The following SEMA6D variants were observed in gnomAD, a reference collection of about 807,000 sequenced individuals.
SEMA6D encodes the protein semaphorin-6D.
Under a neutral mutation model 106.6 loss-of-function variants are expected in SEMA6D, and 35 were observed. That is an observed-to-expected ratio of 0.33 (90% CI 0.25 to 0.44). The LOEUF (loss-of-function observed/expected upper bound fraction) is 0.44, where lower values mean the gene tolerates loss of function less well. Among genes scored for constraint, SEMA6D ranks in the 20% least tolerant of loss-of-function variants. The pLI, the probability that SEMA6D is intolerant of heterozygous loss-of-function variation, is 1.00. For synonymous variants in SEMA6D, 499 were observed against 487.7 expected (o/e 1.02, Z -0.31); for missense variants, 1,185 against 1,345.9 (o/e 0.88, Z 1.87).
intron 1 of SEMA6D, among the ~76,000 whole-genome samples, chr15:47,223,575 G>A (rs868150390): frequency 4.3e-5 from 4 of 93,404 alleles, no homozygotes; most frequent in East Asian, 2.1e-4. Context: ...TCAAGCTTGC[G>A]TGTGTCAGCT....
chr15:47,595,899 T>C (rs1012106461), intron 3 of SEMA6D, among the ~76,000 whole-genome samples: 1 of 152,124 alleles, frequency 6.6e-6, no homozygotes, highest in African/African-American at 2.4e-5. Context: ...ATGCCCACTT[T>C]AACCACTTCT....
rs529907012 is a variant in SEMA6D at position 47,189,210 on chromosome 15, T to C, written c.-239+4792T>C. Among the ~76,000 whole-genome samples the C allele has an allele frequency of 1.1e-4, 17 of 152,314 alleles. No individual in the cohort carries two copies. The South Asian group carries it at 3.3e-3, about 30-fold the overall frequency. ...TCTTGATTCCTCTGTCTCTCTATCA[T>C]TGGCTTTCCCCTTGCTACCCTGGCA... On this transcript the variant is annotated intron_variant, in intron 1 of 19. Coordinates refer to the SEMA6D transcript ENST00000558014.
At chr15:47,396,688 A>T (rs1032796037) in intron 1 of SEMA6D, 1 of 152,180 alleles carries the variant, frequency 6.6e-6, no homozygotes, top group Non-Finnish European at 1.5e-5. Flanking sequence ...TTGAGGGTGG[A>T]TCTGCAGCTC....
chr15:47,650,820 C>A (rs1032013698), intron 4 of SEMA6D, among the ~76,000 whole-genome samples: 2 of 152,138 alleles, frequency 1.3e-5, no homozygotes, highest in African/African-American at 4.8e-5. Context: ...ATTCATACTA[C>A]CCCACTGAGA....
At position 47,427,346 on chromosome 15, in the gene SEMA6D, T is replaced by C. The variant is rs185406831; in HGVS notation, c.-159+14874T>C. Among the ~76,000 whole-genome samples, 13 of 152,276 alleles carry C rather than the reference T, an allele frequency of 8.5e-5. No homozygotes were observed. The East Asian group carries it at 2.5e-3, about 30-fold the overall frequency. On this transcript the variant is annotated intron_variant, in intron 2 of 19. Transcript: ENST00000558014. ...CTCCACAGCCACTAGGTCTGGGAGA[T>C]GCTATGCACTCATGTACAGTCACAG...
At chr15:47,353,455 G>A (rs2038409844) in intron 1 of SEMA6D, among the ~76,000 whole-genome samples, 1 of 152,058 alleles carries the variant, frequency 6.6e-6, no homozygotes, top group African/African-American at 2.4e-5. Context: ...CACATTCCTT[G>A]CTTTCTACCT....
chr15:47,498,314 G>C (rs2043738018), intron 3 of SEMA6D, among the ~76,000 whole-genome samples: 2 of 152,154 alleles, frequency 1.3e-5, no homozygotes, highest in Non-Finnish European at 2.9e-5. Context: ...TCTAAGGATT[G>C]AGAGTTATGA....
chr15:47,676,768 T>C (rs1828136585), intron 4 of SEMA6D, among the ~76,000 whole-genome samples: 1 of 152,124 alleles, frequency 6.6e-6, no homozygotes, highest in Admixed American at 6.6e-5. Flanking sequence ...AAACAGATAT[T>C]CATTATCTCT....
At chr15:47,753,198 T>G (rs1206693547) in intron 1 of SEMA6D, among the ~76,000 whole-genome samples, 1 of 152,020 alleles carries the variant, frequency 6.6e-6, no homozygotes, top group Non-Finnish European at 1.5e-5. Flanking sequence ...AAATTTACAT[T>G]TATGGATTTG....
chr15:47,471,927 TCTCTCACA>T (rs1441559933), intron 3 of SEMA6D, among the ~76,000 whole-genome samples: 85 of 113,996 alleles, frequency 7.5e-4, no homozygotes, highest in African/African-American at 2.7e-3. Flanking sequence ...TCTCTCTCTC[TCTCTCACA>T]CACACACACA....
At chr15:47,739,518 G>C (rs2080666003) in intron 1 of SEMA6D, among the ~76,000 whole-genome samples, 2 of 152,142 alleles carry the variant, frequency 1.3e-5, no homozygotes, top group African/African-American at 4.8e-5. Context: ...ATAGGTTTTA[G>C]TGGTGGGTCT....
At chr15:47,550,204 A>G (rs908964397) in intron 3 of SEMA6D, among the ~76,000 whole-genome samples, 1 of 152,182 alleles carries the variant, frequency 6.6e-6, no homozygotes, top group Non-Finnish European at 1.5e-5. Flanking sequence ...TTTACTTCCA[A>G]GTTTTGAAGT....
At chr15:47,400,164 A>G (rs1227621167) in intron 1 of SEMA6D, among the ~76,000 whole-genome samples, 2 of 152,192 alleles carry the variant, frequency 1.3e-5, no homozygotes, top group African/African-American at 4.8e-5. Context: ...TCAGAGCAGC[A>G]AAAGCTACTT....
intron 3 of SEMA6D, among the ~76,000 whole-genome samples, chr15:47,588,669 G>T (rs184145862): frequency 9.2e-5 from 14 of 152,306 alleles, no homozygotes; most frequent in Non-Finnish European, 1.3e-4. Flanking sequence ...CTCCATTGTG[G>T]CTCCGTCTGT....
rs896751305 is a variant in SEMA6D at position 47,279,695 on chromosome 15, C to T, written c.-239+95277C>T. 3.3e-5 allele frequency among the ~76,000 whole-genome samples: 5 copies of T among 152,176 alleles called. No homozygotes were observed. In the South Asian group the frequency reaches 8.3e-4, roughly 25 times the overall value. On this transcript the variant is annotated intron_variant, in intron 1 of 19. Transcript: ENST00000558014. ...AGGTAGCTCTTATTATTTTGAGAGA[C>T]GTCCCATCAATACCTAATTTATTGA...
chr15:47,632,789 T>C (rs2077316119), intron 4 of SEMA6D, among the ~76,000 whole-genome samples: 1 of 151,998 alleles, frequency 6.6e-6, no homozygotes, highest in Non-Finnish European at 1.5e-5. Context: ...TATTCATATG[T>C]TAATGCTTAA....
At chr15:47,386,143 G>A (rs377268152) in intron 1 of SEMA6D, among the ~76,000 whole-genome samples, 9 of 152,146 alleles carry the variant, frequency 5.9e-5, no homozygotes, top group African/African-American at 2.2e-4. Context: ...TTAGGTTCAA[G>A]GGGCTCAACA....
intron 1 of SEMA6D, among the ~76,000 whole-genome samples, chr15:47,290,894 A>G (rs1256338032): frequency 2.0e-5 from 3 of 152,232 alleles, no homozygotes; most frequent in Non-Finnish European, 4.4e-5. Flanking sequence ...ATTTGTAGCC[A>G]GATAACAGAG....
intron 4 of SEMA6D, among the ~76,000 whole-genome samples, chr15:47,618,936 C>T (rs2077053423): frequency 6.6e-6 from 1 of 152,192 alleles, no homozygotes; most frequent in South Asian, 2.1e-4. Context: ...AAAGGAGCTG[C>T]TCTTTATCCA....
Sources: allele counts gnomAD v4.1 joint callset (sites outside exome capture counted in the v4.1 genomes callset), GRCh38; gene constraint gnomAD v4.1.1; transcripts MANE v1.5; gene names NCBI Gene and HGNC (gene_info 2026-07-23, HGNC 2026-07-21).